Variants in GRAMD4 observed in about 807,000 individuals in gnomAD.
GRAMD4 encodes GRAM domain containing 4, also known as GRAM domain-containing protein 4.
In GRAMD4, 25 loss-of-function variants were observed where a neutral mutation model predicts 83.9. The observed-to-expected ratio is 0.30, with a 90% CI of 0.22 to 0.42. The LOEUF (loss-of-function observed/expected upper bound fraction) is 0.42. Ranked by LOEUF, GRAMD4 falls within the 10% of genes least tolerant of loss-of-function variation. GRAMD4 has a pLI of 1.00. For synonymous variants in GRAMD4, 336 were observed against 320.9 expected, an observed-to-expected ratio of 1.05 and a Z score of -0.50; for missense variants, 593 against 788.7, an observed-to-expected ratio of 0.75 and a Z score of 2.97.
chr22:46,679,336 G>A lies in GRAMD4; in HGVS notation c.*2085G>A. On this transcript the variant is annotated 3_prime_UTR_variant, in exon 19 of 19. Coordinates refer to ENST00000406902, the MANE Select transcript of GRAMD4 (RefSeq NM_015124.5). ...AAAGGGAGATGAAAACTGACCACGTGCCAGGTGTGGCCGAAGCCCCCAGGG... is the reference window on the plus strand; with the variant it reads ...AAAGGGAGATGAAAACTGACCACGTACCAGGTGTGGCCGAAGCCCCCAGGG... 3.0e-6 allele frequency: 3 copies of A among 984,812 alleles called. No homozygotes were observed. Among genetic ancestry groups the A allele is most frequent in the Non-Finnish European group, 3.6e-6 (3 of 829,944 alleles). The allele number at this position is 984,812 out of a possible 1,614,324, so 61.0% of individuals were successfully genotyped here.
At chr22:46,627,843 G>A (rs1053534493) in intron 2 of GRAMD4, among the ~76,000 whole-genome samples, 3 of 152,236 alleles carry the variant, frequency 2.0e-5, no homozygotes, top group Non-Finnish European at 2.9e-5. Flanking sequence ...GACACTGCCC[G>A]ATCAGGCAGG....
chr22:46,595,877 C>T (rs778966972), intron 1 of GRAMD4, among the ~76,000 whole-genome samples: 4 of 152,212 alleles, frequency 2.6e-5, no homozygotes, highest in Non-Finnish European at 5.9e-5. Flanking sequence ...TGTACCCTGG[C>T]CACCTTCCCA....
At chr22:46,649,724 C>T (rs942887294) in intron 3 of GRAMD4, among the ~76,000 whole-genome samples, 3 of 152,218 alleles carry the variant, frequency 2.0e-5, no homozygotes, top group African/African-American at 7.2e-5. Flanking sequence ...ATTATCTCTG[C>T]ACATAGCGGT....
chr22:46,677,672 A>G lies in GRAMD4; in HGVS notation c.*421A>G. 1.0e-6 allele frequency: 1 copy of G among 993,164 alleles called. No homozygotes were observed. Among genetic ancestry groups the G allele is most frequent in the Non-Finnish European group, 1.2e-6 (1 of 834,476 alleles). The allele number at this position is 993,164 out of a possible 1,614,324, so 61.5% of individuals were successfully genotyped here. On this transcript the variant is annotated 3_prime_UTR_variant, in exon 19 of 19. Coordinates refer to ENST00000406902, the MANE Select transcript of GRAMD4 (RefSeq NM_015124.5). The stretch of plus-strand genomic sequence containing the variant: ...GAAGCTCGTCCACCACCAAAGCCAT[A>G]GCTGAAGAGTGCGGGGCCCTTCCTC...
chr22:46,603,547 C>T (rs2081335882), intron 1 of GRAMD4, among the ~76,000 whole-genome samples: 1 of 93,886 alleles, frequency 1.1e-5, no homozygotes, highest in African/African-American at 4.0e-5. Flanking sequence ...GATGGAGTCT[C>T]ACTCTGTCAC....
downstream of GRAMD4, among the ~76,000 whole-genome samples, chr22:46,681,566 G>A (rs2082671457): frequency 6.6e-6 from 1 of 152,220 alleles, no homozygotes; most frequent in Non-Finnish European, 1.5e-5. Flanking sequence ...CAGGCCTGGT[G>A]CCCTCTAGGA....
chr22:46,617,775 C>G (rs2081523946), upstream of GRAMD4, among the ~76,000 whole-genome samples: 1 of 152,152 alleles, frequency 6.6e-6, no homozygotes, highest in Admixed American at 6.5e-5. Flanking sequence ...GCTCCCTGGC[C>G]CCCCTGGGTG....
chr22:46,597,232 C>G (rs2081270365), intron 1 of GRAMD4, among the ~76,000 whole-genome samples: 1 of 152,178 alleles, frequency 6.6e-6, no homozygotes, highest in Admixed American at 6.5e-5. Flanking sequence ...CCCTGTGTCC[C>G]TCCTGGCAGG....
In GRAMD4 at chr22:46,677,827, G is replaced by A. The variant is rs572894153; in HGVS notation, c.*576G>A. ...GGCATTTGCCCTTGGTGCCGGGCTG[G>A]GGCCGGGCGCAGTGACCCTGCCTGC... On this transcript the variant is annotated 3_prime_UTR_variant, in exon 19 of 19. Transcript: ENST00000406902. The A allele has an allele frequency of 2.0e-6, 2 of 985,628 alleles. No individual in the cohort carries two copies. Among genetic ancestry groups the A allele is most frequent in the African/African-American group, 1.7e-5 (1 of 57,354 alleles). 61.1% of individuals were successfully genotyped at this position (985,628 alleles called of 1,614,324 possible).
At chr22:46,587,586 C>T (rs2081163069) in intron 1 of GRAMD4, among the ~76,000 whole-genome samples, 1 of 151,992 alleles carries the variant, frequency 6.6e-6, no homozygotes, top group African/African-American at 2.4e-5. Context: ...TGGCAGGCAG[C>T]CCAGGCCGGG....
chr22:46,591,562 C>T (rs1317682091), intron 1 of GRAMD4, among the ~76,000 whole-genome samples: 5 of 151,946 alleles, frequency 3.3e-5, no homozygotes, highest in South Asian at 2.1e-4. Context: ...GGGCCGTGCA[C>T]GGTGCCTCAC....
chr22:46,643,084 T>TATCCATCC (rs61391783), intron 3 of GRAMD4, among the ~76,000 whole-genome samples: 7,480 of 76,298 alleles, frequency 0.098, 623 homozygotes, highest in African/African-American at 0.16. Flanking sequence ...TCTATCCATT[T>TATCCATCC]ATCCATCCAT....
At chr22:46,669,194 G>A (rs1194776363) in intron 13 of GRAMD4, among the ~76,000 whole-genome samples, 1 of 152,214 alleles carries the variant, frequency 6.6e-6, no homozygotes, top group Non-Finnish European at 1.5e-5. Context: ...AGGACTTGGG[G>A]TGTCAGGGAA....
intron 1 of GRAMD4, among the ~76,000 whole-genome samples, chr22:46,625,538 C>A (rs1257411689): frequency 1.3e-5 from 2 of 152,278 alleles, no homozygotes. Context: ...ATACCTTTGC[C>A]TTACTGGCAT....
chr22:46,597,614 C>G (rs573766286), intron 1 of GRAMD4, among the ~76,000 whole-genome samples: 28 of 152,088 alleles, frequency 1.8e-4, no homozygotes, highest in Non-Finnish European at 3.8e-4. Context: ...CTCAGCCTCC[C>G]GAGTAGCTGG....
upstream of GRAMD4, chr22:46,576,189 A>C (rs1199075600): frequency 6.6e-6 from 1 of 152,578 alleles, no homozygotes. Context: ...CTGGGCAAAA[A>C]CAGCCTCCAG....
intron 12 of GRAMD4, 25 bp downstream of exon 12, chr22:46,668,757 C>T: frequency 9.6e-7 from 1 of 1,042,348 alleles, no homozygotes; most frequent in Non-Finnish European, 1.4e-6. Context: ...CCACCCCGGC[C>T]CTGCGGCGCC....
chr22:46,678,185 T>C lies in GRAMD4; in HGVS notation c.*934T>C, dbSNP rs1601696556. 1.0e-6 allele frequency: 1 copy of C among 985,232 alleles called. No individual in the cohort carries two copies. The allele number at this position is 985,232 out of a possible 1,614,324, so 61.0% of individuals were successfully genotyped here. On this transcript the variant is annotated 3_prime_UTR_variant, in exon 19 of 19. Coordinates refer to ENST00000406902, the MANE Select transcript of GRAMD4 (RefSeq NM_015124.5). ...CCCAGGCTGCGGTTGCCTGGGTTGG[T>C]TGGGGGAGGAAGTGGGGAGGAGTGT...
At chr22:46,586,613 G>A (rs369640085) in intron 1 of GRAMD4, among the ~76,000 whole-genome samples, 67 of 152,332 alleles carry the variant, frequency 4.4e-4, no homozygotes, top group African/African-American at 1.5e-3. Flanking sequence ...GGGGGCAGAC[G>A]AAGGAGCCAG....
Sources: gnomAD v4.1 joint callset for allele counts (sites outside exome capture counted in the v4.1 genomes callset) on GRCh38, gnomAD v4.1.1 for gene constraint, MANE v1.5 for transcripts, NCBI Gene and HGNC (gene_info 2026-07-23, HGNC 2026-07-21) for gene names.